The following LRIG3 variants were observed in gnomAD, a reference collection of about 807,000 sequenced individuals.
The protein encoded by LRIG3 is leucine rich repeats and immunoglobulin like domains 3.
A neutral mutation model predicts 114.5 loss-of-function variants in LRIG3; 76 were observed. That is an observed-to-expected ratio of 0.66 (90% confidence interval 0.55 to 0.80). The LOEUF (loss-of-function observed/expected upper bound fraction) is 0.80. Among genes scored for constraint, LRIG3 ranks in the 30% least tolerant of loss-of-function variants. The probability of loss-of-function intolerance (pLI) is 0.00; values close to 1 mark genes in which losing one functional copy is unlikely to be tolerated. For missense variants in LRIG3, 1,239 were observed against 1,382.8 expected (o/e 0.90, Z 1.65); for synonymous variants, 512 against 519.8 (o/e 0.98, Z 0.20).
chr12:58,913,939 T>C (rs1324175246), intron 3 of LRIG3, 43 bp downstream of exon 3: 1 of 1,548,942 alleles, frequency 6.5e-7, no homozygotes, highest in Admixed American at 1.8e-5. Context: ...CCACTCAAGG[T>C]TCCTGCAAAC....
In LRIG3 at chr12:58,874,459, C is replaced by T; in HGVS notation, c.2810G>A (p.Gly937Asp). The T allele has an allele frequency of 6.2e-7, 1 of 1,614,172 alleles. No homozygotes were observed. The highest frequency in any genetic ancestry group is 8.5e-7 in the Non-Finnish European group (1 of 1,180,028). ...GPMYLKGNVY[G>D]SDPFETYHTG... ...ATGATATGTTTCAAAAGGATCTGAG[C>T]CATACACATTTCCCTTCAAATACAT... The change falls in exon 17 of 19, where the codon GGC becomes GAC. Residue 937 changes from glycine (G) to aspartate (D), a missense_variant. By Grantham distance (94) the Gly-to-Asp change is moderately conservative. Transcript: ENST00000320743.
chr12:58,914,373 T>C, intron 1 of LRIG3, 37 bp from the exon 2 acceptor site: 1 of 1,482,380 alleles, frequency 6.7e-7, no homozygotes, highest in South Asian at 1.1e-5. Context: ...AAGTCATTTC[T>C]AAAAATCACT....
chr12:58,874,038 T>C lies in LRIG3; in HGVS notation c.3115+17A>G, dbSNP rs1870824192. The C allele has an allele frequency of 6.2e-7, 1 of 1,613,746 alleles. No individual in the cohort carries two copies. Among genetic ancestry groups the C allele is most frequent in the South Asian group, 1.1e-5 (1 of 91,040 alleles). On this transcript the variant is annotated intron_variant, in intron 18 of 18. Transcript: ENST00000320743. ...ATGGATCCTCAGACGAGGTACCTGATAACTTAATAAACTTACCCATGAAAG... is the reference window on the plus strand; with the variant it reads ...ATGGATCCTCAGACGAGGTACCTGACAACTTAATAAACTTACCCATGAAAG...
intron 3 of LRIG3, among the ~76,000 whole-genome samples, chr12:58,908,557 T>C (rs951867904): frequency 6.6e-6 from 1 of 152,232 alleles, no homozygotes; most frequent in Admixed American, 6.5e-5. Context: ...GGTGGTCAGC[T>C]GAATCCTTGT....
chr12:58,875,899 A>G (rs1020657084), intron 16 of LRIG3, among the ~76,000 whole-genome samples: 4 of 152,092 alleles, frequency 2.6e-5, no homozygotes, highest in Non-Finnish European at 4.4e-5. Flanking sequence ...AACAAAAGAA[A>G]GCATTAGCCA....
chr12:58,874,011 G>A, intron 18 of LRIG3, 44 bp downstream of exon 18: 1 of 1,604,102 alleles, frequency 6.2e-7, no homozygotes, highest in Non-Finnish European at 8.5e-7. Flanking sequence ...ACAACTTGGA[G>A]TATGGATCCT....
chr12:58,877,093 T>A (rs1443566261), intron 15 of LRIG3, among the ~76,000 whole-genome samples: 2 of 152,172 alleles, frequency 1.3e-5, no homozygotes, highest in African/African-American at 2.4e-5. Context: ...AACCTTATCA[T>A]TAAAGGGCTG....
intron 3 of LRIG3, among the ~76,000 whole-genome samples, chr12:58,901,883 G>C (rs1197100659): frequency 1.3e-5 from 2 of 152,178 alleles, no homozygotes; most frequent in Non-Finnish European, 2.9e-5. Flanking sequence ...AGTGATTAAG[G>C]AGAGGGCAGT....
intron 1 of LRIG3, chr12:58,919,655 C>G (rs1482578237): frequency 4.9e-5 from 65 of 1,326,320 alleles, no homozygotes; most frequent in Non-Finnish European, 6.1e-5. Context: ...TGCCGCTTAT[C>G]TCCCCTGGGC....
Position 58,874,495 on chromosome 12 carries a change from G to A in LRIG3, c.2774C>T (p.Ser925Phe), listed in dbSNP as rs1267182970. The A allele has an allele frequency of 8.7e-6, 14 of 1,614,038 alleles. No homozygotes were observed. Among genetic ancestry groups the A allele is most frequent in the Non-Finnish European group, 1.2e-5 (14 of 1,180,042 alleles). ...TDLFLCPFLG[S>F]TGPMYLKGNV... ...TCCCTTCAAATACATAGGGCCTGTGGATCCCAAAAACGGACAAAGGAACAG... is the reference window on the plus strand; with the variant it reads ...TCCCTTCAAATACATAGGGCCTGTGAATCCCAAAAACGGACAAAGGAACAG... Residue 925 changes from serine (S) to phenylalanine (F), a missense_variant, in exon 17 of 19, where the codon TCC (serine) becomes TTC (phenylalanine). Physicochemically the swap from Ser to Phe is radical, Grantham distance 155. Coordinates refer to ENST00000320743, the MANE Select transcript of LRIG3 (RefSeq NM_153377.5).
At chr12:58,919,485 C>A (rs1872594876) in intron 1 of LRIG3, 4 of 1,551,616 alleles carry the variant, frequency 2.6e-6, no homozygotes, top group Non-Finnish European at 3.5e-6. Context: ...TCCACCATAA[C>A]TTGGAGAATG....
intron 3 of LRIG3, among the ~76,000 whole-genome samples, chr12:58,894,665 C>T (rs1038227903): frequency 2.6e-5 from 4 of 152,224 alleles, no homozygotes; most frequent in South Asian, 4.1e-4. Context: ...CATTAAAAAG[C>T]GCTGTAGTTA....
chr12:58,902,675 C>T (rs908964887), intron 3 of LRIG3, among the ~76,000 whole-genome samples: 2 of 150,918 alleles, frequency 1.3e-5, no homozygotes, highest in East Asian at 3.9e-4. Context: ...CCCATTAACT[C>T]GTCATTTAGC....
Position 58,878,955 on chromosome 12 carries a change from C to T in LRIG3, c.1952G>A (p.Arg651His), listed in dbSNP as rs772953918. 10 of 1,614,196 alleles carry T rather than the reference C, an allele frequency of 6.2e-6. No individual in the cohort carries two copies. Among genetic ancestry groups the T allele is most frequent in the South Asian group, 1.1e-5 (1 of 91,084 alleles). ...GTDFPAARER[R>H]MHVMPEDDVF... is the part of the protein sequence containing the mutation. ...GTCATCCTCGGGCATCACATGCATG[C>T]GTCTCTCCCGTGCAGCTGGGAAGTC... is the stretch of plus-strand genomic sequence containing the variant. Residue 651 changes from arginine (R) to histidine (H), a missense_variant, in exon 14 of 19, where the codon CGC becomes CAC. Arg to His is a conservative substitution (Grantham distance 29). Transcript: ENST00000320743.
chr12:58,918,930 T>C (rs780652462), intron 1 of LRIG3, among the ~76,000 whole-genome samples: 13 of 152,228 alleles, frequency 8.5e-5, no homozygotes, highest in Non-Finnish European at 1.8e-4. Flanking sequence ...TTTTAAAATA[T>C]AAATTCTTAA....
intron 10 of LRIG3, 22 bp downstream of exon 10, chr12:58,885,809 T>C: frequency 1.3e-6 from 2 of 1,512,822 alleles, no homozygotes; most frequent in African/African-American, 1.4e-5. Context: ...TCTTTTAGGG[T>C]AACTAAATTC....
Position 58,877,380 on chromosome 12 carries a change from C to T in LRIG3, c.2536+20G>A, listed in dbSNP as rs1870957476. 6.2e-7 allele frequency: 1 copy of T among 1,608,262 alleles called. No individual in the cohort carries two copies. The highest frequency in any genetic ancestry group is 8.5e-7 in the Non-Finnish European group (1 of 1,175,810). ...ATACACATGACTCCGGTGACCTGTG[C>T]CAAGCTTCTGTTTACACACCTGTGT... is the stretch of plus-strand genomic sequence containing the variant. On this transcript the variant is annotated intron_variant, in intron 15 of 18. Coordinates refer to ENST00000320743, the MANE Select transcript of LRIG3 (RefSeq NM_153377.5).
chr12:58,915,485 A>C (rs1872445475), intron 1 of LRIG3, among the ~76,000 whole-genome samples: 1 of 152,208 alleles, frequency 6.6e-6, no homozygotes, highest in East Asian at 1.9e-4. Context: ...TAACAATTAG[A>C]AATCAGAGTT....
chr12:58,919,510 A>AG, intron 1 of LRIG3: 1 of 1,551,486 alleles, frequency 6.4e-7, no homozygotes, highest in Non-Finnish European at 8.7e-7. Context: ...AATTCTGTTG[A>AG]GGGGGCTTCC....
Sources: allele counts gnomAD v4.1 joint callset (sites outside exome capture counted in the v4.1 genomes callset), GRCh38; gene constraint gnomAD v4.1.1; transcripts MANE v1.5; gene names NCBI Gene and HGNC (gene_info 2026-07-23, HGNC 2026-07-21).